ANKRD7: variants seen among roughly 807,000 people sequenced by gnomAD.
ANKRD7 encodes the protein ankyrin repeat domain 7, also known as ankyrin repeat domain-containing protein 7.
ANKRD7 carries 30 observed loss-of-function variants against 30.8 expected under a neutral mutation model. That is an observed-to-expected ratio of 0.97 (90% confidence interval 0.73 to 1.32). The LOEUF is 1.32. Ranked by LOEUF, ANKRD7 falls within the 40% of genes most tolerant of loss-of-function variation. The pLI is 0.00. For synonymous variants in ANKRD7, 97 were observed against 106.6 expected, an observed-to-expected ratio of 0.91 and a Z score of 0.55; for missense variants, 264 against 295.7, an observed-to-expected ratio of 0.89 and a Z score of 0.79.
intron 1 of ANKRD7, among the ~76,000 whole-genome samples, chr7:118,233,124 A>G (rs1809667969): frequency 6.6e-6 from 1 of 152,124 alleles, no homozygotes; most frequent in Non-Finnish European, 1.5e-5. Context: ...AATCACAGTA[A>G]AGTAAAGGTG....
chr7:118,227,879 G>A, intron 1 of ANKRD7: 1 of 1,341,152 alleles, frequency 7.5e-7, no homozygotes, highest in African/African-American at 1.5e-5. Context: ...AAAAGGATTT[G>A]TATTTAGCTT....
intron 5 of ANKRD7, 145 bp downstream of exon 5, chr7:118,237,071 G>T (rs1343362691): frequency 1.2e-6 from 1 of 853,952 alleles, no homozygotes; most frequent in African/African-American, 1.7e-5. Context: ...GATTTTCTCT[G>T]TTTGTGGGTT....
chr7:118,236,182 G>C, intron 4 of ANKRD7, 35 bp downstream of exon 4: 1 of 1,275,570 alleles, frequency 7.8e-7, no homozygotes, highest in Non-Finnish European at 1.1e-6. Context: ...CATAACTAAA[G>C]CTACCTGATA....
chr7:118,230,759 A>G lies in ANKRD7; in HGVS notation c.180-3672A>G, dbSNP rs185730797. ...ATGAAATGTGGGCAGAGGAAAGTAG[A>G]TAGAGTGAGATGGTCATTGGGAACT... On this transcript the variant is annotated intron_variant, in intron 1 of 6. Coordinates refer to ENST00000265224, the MANE Select transcript of ANKRD7 (RefSeq NM_019644.4). Among the ~76,000 whole-genome samples the G allele has an allele frequency of 1.6e-4, 25 of 152,112 alleles. No individual in the cohort carries two copies. In the East Asian group the frequency reaches 4.6e-3, roughly 28 times the overall value.
Position 118,241,327 on chromosome 7 carries a change from C to T in ANKRD7, c.*38-1022C>T, listed in dbSNP as rs1003246722. Among the ~76,000 whole-genome samples the T allele has an allele frequency of 2.0e-5, 3 of 151,626 alleles. No homozygotes were observed. In the East Asian group the frequency reaches 5.8e-4, roughly 29 times the overall value. Reference sequence around the variant, plus strand: ...AGCAGACTCCTCCACTACAATTCACCCCCAGTGTAAAATGGAAGAAAATAA... The same window carrying T: ...AGCAGACTCCTCCACTACAATTCACTCCCAGTGTAAAATGGAAGAAAATAA... On this transcript the variant is annotated intron_variant, in intron 6 of 6. Coordinates refer to ENST00000265224, the MANE Select transcript of ANKRD7 (RefSeq NM_019644.4).
intron 3 of ANKRD7, 82 bp from the exon 4 acceptor site, chr7:118,235,959 C>A: frequency 1.5e-6 from 1 of 680,520 alleles, no homozygotes. Flanking sequence ...TTCTTATGCA[C>A]ACATATTTTA....
intron 1 of ANKRD7, among the ~76,000 whole-genome samples, chr7:118,225,622 TC>T (rs1334330297): frequency 2.6e-5 from 4 of 152,062 alleles, no homozygotes; most frequent in Non-Finnish European, 5.9e-5. Context: ...TAATAGATCG[TC>T]CCCAGGCACT....
chr7:118,239,381 A>G (rs950381760), intron 5 of ANKRD7, among the ~76,000 whole-genome samples: 1 of 152,100 alleles, frequency 6.6e-6, no homozygotes, highest in African/African-American at 2.4e-5. Context: ...CTGTCCCCCT[A>G]CTTCTGTGGA....
At chr7:118,237,203 A>G (rs1279998948) in intron 5 of ANKRD7, among the ~76,000 whole-genome samples, 1 of 152,200 alleles carries the variant, frequency 6.6e-6, no homozygotes, top group African/African-American at 2.4e-5. Context: ...TAAAACATAT[A>G]GGTGATAGAG....
intron 1 of ANKRD7, among the ~76,000 whole-genome samples, chr7:118,232,185 T>G (rs1300673110): frequency 6.6e-6 from 1 of 151,990 alleles, no homozygotes; most frequent in Non-Finnish European, 1.5e-5. Flanking sequence ...AATTTTTTTT[T>G]TGTTTGTTTG....
chr7:118,230,430 TAAAA>T (rs573810527), intron 1 of ANKRD7, among the ~76,000 whole-genome samples: 2 of 144,170 alleles, frequency 1.4e-5, no homozygotes, highest in African/African-American at 2.6e-5. Flanking sequence ...ACCCCGAATC[TAAAA>T]AAAAAGGATA....
chr7:118,235,611 CAAAA>C (rs776419798), intron 3 of ANKRD7, among the ~76,000 whole-genome samples: 2 of 48,330 alleles, frequency 4.1e-5, no homozygotes, highest in Admixed American at 2.1e-4. Flanking sequence ...GACTCTGTCT[CAAAA>C]AAAAAAAAAA....
intron 6 of ANKRD7, among the ~76,000 whole-genome samples, chr7:118,241,922 A>G (rs1441690964): frequency 2.0e-5 from 3 of 152,112 alleles, no homozygotes; most frequent in Non-Finnish European, 4.4e-5. Context: ...CAGCTCTAAG[A>G]AGTGAAGAAT....
At chr7:118,230,470 C>T (rs1270359189) in intron 1 of ANKRD7, among the ~76,000 whole-genome samples, 1 of 151,566 alleles carries the variant, frequency 6.6e-6, no homozygotes, top group Non-Finnish European at 1.5e-5. Context: ...TTAATAGTTA[C>T]CAGTGGTTTT....
intron 6 of ANKRD7, among the ~76,000 whole-genome samples, chr7:118,241,633 G>A (rs1270523809): frequency 2.8e-5 from 4 of 144,318 alleles, no homozygotes; most frequent in Non-Finnish European, 4.5e-5. Flanking sequence ...TCTGCCTCCC[G>A]GGTTCAAGCG....
chr7:118,227,450 C>G (rs1381742648), intron 1 of ANKRD7, among the ~76,000 whole-genome samples: 1 of 152,092 alleles, frequency 6.6e-6, no homozygotes, highest in Non-Finnish European at 1.5e-5. Context: ...TCTATTAGTT[C>G]TAGTGCCTCT....
chr7:118,239,079 G>A (rs1809780200), intron 5 of ANKRD7, among the ~76,000 whole-genome samples: 1 of 152,170 alleles, frequency 6.6e-6, no homozygotes, highest in Non-Finnish European at 1.5e-5. Context: ...GAAAAGGCCA[G>A]TCATCTAAAG....
Position 118,224,770 on chromosome 7 carries a change from C to CG in ANKRD7, c.-59dup. ...CGGATGCCAGGGCAGAGGGGCAGGG[C>CG]GGACGGCTAGGAGTTCAAGAAACAT... On this transcript the variant is annotated 5_prime_UTR_variant, in exon 1 of 7. An upstream open reading frame in the 5' UTR loses its in-frame stop. Transcript: ENST00000265224. 6.4e-7 allele frequency: 1 copy of CG among 1,550,938 alleles called. No individual in the cohort carries two copies. Among genetic ancestry groups the CG allele is most frequent in the Non-Finnish European group, 8.7e-7 (1 of 1,152,968 alleles).
Position 118,226,219 on chromosome 7 carries a change from G to C in ANKRD7, c.179+1210G>C, listed in dbSNP as rs923599090. 2.0e-5 allele frequency among the ~76,000 whole-genome samples: 3 copies of C among 152,174 alleles called. No individual in the cohort carries two copies. In the South Asian group the frequency reaches 6.2e-4, roughly 32 times the overall value. Reference sequence around the variant, plus strand: ...AAGTGTAGTTTTAGGCTCTGTCTTGGCATACTTGAGAGCACAATGGCTGCT... The same window carrying C: ...AAGTGTAGTTTTAGGCTCTGTCTTGCCATACTTGAGAGCACAATGGCTGCT... On this transcript the variant is annotated intron_variant, in intron 1 of 6. Coordinates refer to ENST00000265224, the MANE Select transcript of ANKRD7 (RefSeq NM_019644.4).
Sources: allele counts gnomAD v4.1 joint callset (sites outside exome capture counted in the v4.1 genomes callset), GRCh38; gene constraint gnomAD v4.1.1; transcripts MANE v1.5; gene names NCBI Gene and HGNC (gene_info 2026-07-23, HGNC 2026-07-21).